Variants in ZFYVE9 observed in about 807,000 individuals in gnomAD.
ZFYVE9 encodes zinc finger FYVE domain-containing protein 9.
Under a neutral mutation model 126.7 loss-of-function variants are expected in ZFYVE9, and 43 were observed. The ratio of observed to expected loss-of-function variants is 0.34; its 90% CI spans 0.27 to 0.44. ZFYVE9 has a LOEUF of 0.44. Among genes scored for constraint, ZFYVE9 ranks in the 20% least tolerant of loss-of-function variants. The pLI, the probability that ZFYVE9 is intolerant of heterozygous loss-of-function variation, is 1.00. For missense variants in ZFYVE9, 1,476 were observed against 1,697.0 expected (o/e 0.87, Z 2.29); for synonymous variants, 521 against 597.4 (o/e 0.87, Z 1.87).
chr1:52,227,024 G>T lies in ZFYVE9; in HGVS notation c.-36-6147G>T, dbSNP rs573650813. ...CCCCAAGATTTTCCTTTCAGAAGGG[G>T]TAGAAAATGGTGGAGGGTATATAGG... On this transcript the variant is annotated intron_variant, in intron 2 of 18. Transcript: ENST00000287727. Among the ~76,000 whole-genome samples the T allele has an allele frequency of 3.9e-5, 6 of 152,284 alleles. No individual in the cohort carries two copies. The South Asian group carries it at 1.2e-3, about 32-fold the overall frequency.
Position 52,237,976 on chromosome 1 carries a change from A to G in ZFYVE9, c.559A>G (p.Asn187Asp). 2 of 1,614,080 alleles carry G rather than the reference A, an allele frequency of 1.2e-6. No individual in the cohort carries two copies. Among genetic ancestry groups the G allele is most frequent in the Non-Finnish European group, 1.7e-6 (2 of 1,179,974 alleles). Residue 187 changes from asparagine to aspartate, a missense_variant, in exon 4 of 19, where the codon AAT becomes GAT. By Grantham distance (23) the Asn-to-Asp change is conservative (BLOSUM62 1). Around this residue, in one of 2 missense-constraint regions of ZFYVE9, gnomAD observed 807 missense variants for 794.6 expected, o/e 1.02. Coordinates refer to ENST00000287727, the MANE Select transcript of ZFYVE9 (RefSeq NM_004799.4). ...GGATGCTTTTAGCTGTTCACTGGAT[A>G]ATGAAAACAGACAAACTGATCAATT... ...LMDAFSCSLD[N>D]ENRQTDQFSF...
At chr1:52,177,525 C>T (rs1644647530) in intron 1 of ZFYVE9, among the ~76,000 whole-genome samples, 1 of 152,064 alleles carries the variant, frequency 6.6e-6, no homozygotes, top group Admixed American at 6.5e-5. Context: ...CAAGACCGTG[C>T]TTAAGTGCTA....
rs1020684337 is a variant in ZFYVE9, at chr1:52,288,546, A to C, written c.3026-4907A>C. 2.6e-5 allele frequency among the ~76,000 whole-genome samples: 4 copies of C among 152,238 alleles called. 1 individual carries two copies. In the South Asian group the frequency reaches 8.3e-4, roughly 31 times the overall value. ...TTATGAAGTAGTCATGCATAACTGC[A>C]GTTTGCTGCATTACAAAGAACTCCA... On this transcript the variant is annotated intron_variant, in intron 10 of 18. Transcript: ENST00000287727.
chr1:52,282,318 G>T, intron 10 of ZFYVE9, among the ~76,000 whole-genome samples: 1 of 152,044 alleles, frequency 6.6e-6, no homozygotes, highest in East Asian at 1.9e-4. Flanking sequence ...AACATAAAAA[G>T]AAACTAAGAT....
intron 4 of ZFYVE9, among the ~76,000 whole-genome samples, chr1:52,249,738 G>C (rs1240866740): frequency 2.0e-5 from 3 of 152,100 alleles, no homozygotes; most frequent in African/African-American, 4.8e-5. Context: ...TGTCTTCTAA[G>C]TGTTTTGCAG....
At chr1:52,317,909 C>G (rs569005785) in intron 13 of ZFYVE9, among the ~76,000 whole-genome samples, 2 of 152,212 alleles carry the variant, frequency 1.3e-5, no homozygotes, top group South Asian at 2.1e-4. Flanking sequence ...AAAGAATTGA[C>G]TTTATTGTTT....
At chr1:52,166,723 G>A (rs2124518779) in intron 1 of ZFYVE9, among the ~76,000 whole-genome samples, 1 of 152,158 alleles carries the variant, frequency 6.6e-6, no homozygotes, top group East Asian at 1.9e-4. Flanking sequence ...GACCAGCCTA[G>A]ACAACATCTT....
intron 1 of ZFYVE9, among the ~76,000 whole-genome samples, chr1:52,202,472 G>A (rs1391639951): frequency 2.0e-5 from 3 of 151,518 alleles, no homozygotes; most frequent in African/African-American, 7.3e-5. Context: ...GTAGAGACGG[G>A]GTTTCACTAT....
chr1:52,275,959 G>A (rs766642761), intron 8 of ZFYVE9, among the ~76,000 whole-genome samples: 3 of 143,088 alleles, frequency 2.1e-5, no homozygotes, highest in Non-Finnish European at 3.0e-5. Context: ...CCAGGCTGGA[G>A]TGCAGTGGTA....
At chr1:52,199,285 G>C (rs977949688) in intron 1 of ZFYVE9, among the ~76,000 whole-genome samples, 1 of 151,954 alleles carries the variant, frequency 6.6e-6, no homozygotes, top group African/African-American at 2.4e-5. Context: ...GGATGGTTTT[G>C]ATCTCCTGAC....
chr1:52,186,074 C>G (rs1235557379), intron 1 of ZFYVE9, among the ~76,000 whole-genome samples: 2 of 151,750 alleles, frequency 1.3e-5, no homozygotes, highest in Non-Finnish European at 2.9e-5. Context: ...AACCCCATCT[C>G]TACTAAAAAT....
At chr1:52,250,245 G>A (rs12567509) in intron 4 of ZFYVE9, among the ~76,000 whole-genome samples, 30,363 of 152,074 alleles carry the variant, frequency 0.2, 4,057 homozygotes, top group East Asian at 0.58. Flanking sequence ...CCATGAACAT[G>A]GAATGTTTTT....
intron 6 of ZFYVE9, among the ~76,000 whole-genome samples, chr1:52,267,097 T>G (rs1414531777): frequency 1.3e-5 from 2 of 152,224 alleles, no homozygotes; most frequent in African/African-American, 4.8e-5. Context: ...ATTACACTGC[T>G]TGTCCTTAAA....
chr1:52,250,951 A>G (rs1645438804), intron 4 of ZFYVE9, among the ~76,000 whole-genome samples: 1 of 152,074 alleles, frequency 6.6e-6, no homozygotes, highest in African/African-American at 2.4e-5. Flanking sequence ...GGCACAAGCG[A>G]TCTGCCTGTC....
intron 10 of ZFYVE9, among the ~76,000 whole-genome samples, chr1:52,292,508 A>G (rs1043382567): frequency 1.2e-4 from 14 of 120,892 alleles, no homozygotes; most frequent in Admixed American, 4.4e-4. Flanking sequence ...GTGTCACTCT[A>G]TCGCCTAGGC....
At chr1:52,232,297 C>T (rs1459838444) in intron 2 of ZFYVE9, among the ~76,000 whole-genome samples, 1 of 152,162 alleles carries the variant, frequency 6.6e-6, no homozygotes, top group Non-Finnish European at 1.5e-5. Flanking sequence ...TAATAGGTAG[C>T]ATTTACTTAA....
chr1:52,177,031 T>C (rs1342409631), intron 1 of ZFYVE9, among the ~76,000 whole-genome samples: 1 of 152,014 alleles, frequency 6.6e-6, no homozygotes, highest in Non-Finnish European at 1.5e-5. Flanking sequence ...CACTCCCTAG[T>C]GAGATGAACC....
Position 52,263,678 on chromosome 1 carries a change from T to A in ZFYVE9, c.2179-95T>A, listed in dbSNP as rs1021104889. ...CTTTAGTATTGTAGTTTAATAAGGT[T>A]CACTGACAATCAGTGTTTGTCAATA... On this transcript the variant is annotated intron_variant, in intron 4 of 18. Coordinates refer to ENST00000287727, the MANE Select transcript of ZFYVE9 (RefSeq NM_004799.4). 1.4e-5 allele frequency: 8 copies of A among 579,510 alleles called. No individual in the cohort carries two copies. The South Asian group carries it at 1.8e-4, about 13-fold the overall frequency. 35.9% of individuals were successfully genotyped at this position (579,510 alleles called of 1,614,324 possible).
intron 13 of ZFYVE9, among the ~76,000 whole-genome samples, chr1:52,320,036 A>G (rs1293170778): frequency 3.4e-5 from 5 of 148,882 alleles, no homozygotes; most frequent in South Asian, 2.1e-4. Flanking sequence ...AAAAAAGAGA[A>G]AAAGAAAATA....
Sources: allele counts gnomAD v4.1 joint callset (sites outside exome capture counted in the v4.1 genomes callset), GRCh38; gene constraint gnomAD v4.1.1; regional missense constraint gnomAD v4.1.1; transcripts MANE v1.5; gene names NCBI Gene and HGNC (gene_info 2026-07-23, HGNC 2026-07-21).